Variants in ZNF626 observed in about 807,000 individuals in gnomAD.
ZNF626 encodes the protein CTC-513N18.7.
Under a neutral mutation model 11.7 loss-of-function variants are expected in ZNF626, and 4 were observed. The ratio of observed to expected loss-of-function variants is 0.34; its 90% CI spans 0.17 to 0.78. The LOEUF is 0.78. Among genes scored for constraint, ZNF626 ranks in the 30% least tolerant of loss-of-function variants. The pLI is 0.57. For synonymous variants in ZNF626, 179 were observed against 198.6 expected (o/e 0.90, Z 0.83); for missense variants, 588 against 587.1 (o/e 1.00, Z -0.01).
intron 1 of ZNF626, among the ~76,000 whole-genome samples, chr19:20,656,460 G>C (rs1470607243): frequency 6.6e-6 from 1 of 152,062 alleles, no homozygotes; most frequent in African/African-American, 2.4e-5. Flanking sequence ...AAACTAAAGA[G>C]CTTCTTCACA....
Position 20,658,152 on chromosome 19 carries a change from G to A in ZNF626, c.3+3292C>T, listed in dbSNP as rs539737783. On this transcript the variant is annotated intron_variant, in intron 1 of 3. Transcript: ENST00000601440. ...CCTGCGTGGGAGAGAGTGCAATGTAGGTGAATGGACTGATTTTCATTACAG... is the reference window on the plus strand; with the variant it reads ...CCTGCGTGGGAGAGAGTGCAATGTAAGTGAATGGACTGATTTTCATTACAG... Among the ~76,000 whole-genome samples, 5 of 152,278 alleles carry A rather than the reference G, an allele frequency of 3.3e-5. No individual in the cohort carries two copies. The East Asian group carries it at 7.7e-4, about 23-fold the overall frequency.
At chr19:20,647,773 A>G (rs545911293) in intron 1 of ZNF626, among the ~76,000 whole-genome samples, 24 of 152,220 alleles carry the variant, frequency 1.6e-4, no homozygotes, top group Admixed American at 1.6e-3. Flanking sequence ...GGTGTGAGCC[A>G]CTGCGCCCGG....
intron 3 of ZNF626, among the ~76,000 whole-genome samples, chr19:20,641,431 T>C (rs1555771440): frequency 2.6e-5 from 4 of 152,152 alleles, no homozygotes; most frequent in Middle Eastern, 3.4e-3. Context: ...GTAGTCAAAA[T>C]CATAAAAATA....
chr19:20,647,490 T>G (rs1353270003), intron 1 of ZNF626, among the ~76,000 whole-genome samples: 2 of 119,792 alleles, frequency 1.7e-5, no homozygotes, highest in African/African-American at 1.3e-4. Flanking sequence ...AATGGTTTTT[T>G]TTTTTTTTTT....
At chr19:20,636,088 C>T (rs1200561914) in intron 3 of ZNF626, among the ~76,000 whole-genome samples, 1 of 152,062 alleles carries the variant, frequency 6.6e-6, no homozygotes, top group Admixed American at 6.5e-5. Flanking sequence ...GCTGAGATCC[C>T]ACCATTGTAC....
intron 3 of ZNF626, among the ~76,000 whole-genome samples, chr19:20,631,999 CT>C (rs538104786): frequency 0.023 from 3,474 of 152,172 alleles, 140 homozygotes; most frequent in African/African-American, 0.079. Flanking sequence ...GACAAAATCT[CT>C]CAGCATTTGC....
chr19:20,639,085 G>A (rs1482112534), intron 3 of ZNF626, among the ~76,000 whole-genome samples: 1 of 152,124 alleles, frequency 6.6e-6, no homozygotes, highest in Non-Finnish European at 1.5e-5. Flanking sequence ...AAGAGTAACT[G>A]GATGTATTAT....
chr19:20,656,641 T>C (rs762393649), intron 1 of ZNF626, among the ~76,000 whole-genome samples: 4 of 150,480 alleles, frequency 2.7e-5, no homozygotes, highest in Non-Finnish European at 4.4e-5. Context: ...CACGAACAGA[T>C]GCTTGTCAAA....
At chr19:20,643,474 A>G (rs1178670840) in intron 3 of ZNF626, among the ~76,000 whole-genome samples, 3 of 152,182 alleles carry the variant, frequency 2.0e-5, no homozygotes, top group Admixed American at 6.5e-5. Context: ...TTTCATAAAT[A>G]TGGAGTGCTT....
intron 3 of ZNF626, among the ~76,000 whole-genome samples, chr19:20,636,029 G>A (rs1158085252): frequency 6.6e-6 from 1 of 152,144 alleles, no homozygotes; most frequent in Non-Finnish European, 1.5e-5. Context: ...CTACTCAGGA[G>A]GCTGAGGTAG....
intron 3 of ZNF626, among the ~76,000 whole-genome samples, chr19:20,637,215 G>A (rs1038146517): frequency 2.6e-5 from 4 of 152,162 alleles, no homozygotes; most frequent in East Asian, 1.9e-4. Flanking sequence ...TCGGCTGGGC[G>A]CAGTGGCTCA....
At chr19:20,656,664 T>C (rs1157863584) in intron 1 of ZNF626, among the ~76,000 whole-genome samples, 2 of 144,602 alleles carry the variant, frequency 1.4e-5, no homozygotes, top group Non-Finnish European at 3.0e-5. Context: ...AAGACATACA[T>C]GTGGCTAACA....
intron 1 of ZNF626, among the ~76,000 whole-genome samples, chr19:20,660,166 A>G (rs1474087362): frequency 6.8e-6 from 1 of 146,780 alleles, no homozygotes; most frequent in Non-Finnish European, 1.5e-5. Flanking sequence ...GGGCTGAGGT[A>G]GGAGAATCGC....
At chr19:20,661,158 C>T (rs1425246497) in intron 1 of ZNF626, among the ~76,000 whole-genome samples, 1 of 152,244 alleles carries the variant, frequency 6.6e-6, no homozygotes, top group Non-Finnish European at 1.5e-5. Context: ...TCCCCTGGTC[C>T]CTGCACAATC....
intron 1 of ZNF626, among the ~76,000 whole-genome samples, chr19:20,647,688 G>A (rs1555772082): frequency 2.6e-5 from 4 of 151,836 alleles, no homozygotes; most frequent in South Asian, 4.2e-4. Context: ...GGGTTTCACC[G>A]TGTTAGCCGG....
intron 3 of ZNF626, among the ~76,000 whole-genome samples, chr19:20,640,294 ATAAC>A (rs1229124353): frequency 2.0e-5 from 3 of 148,994 alleles, no homozygotes; most frequent in African/African-American, 4.9e-5. Flanking sequence ...GTTTAATAAA[ATAAC>A]TAACAAATCT....
chr19:20,625,405 GA>G lies in ZNF626; in HGVS notation c.471del (p.Pro158GlnfsTer19), dbSNP rs781856539. ...CDKYVKVLHQ[F>X]PNSNGQKRGH... ...CCTCTCTTTTGTCCGTTTGAATTTGGAAATTGATGAAGGACTTTCACATATT... is the reference window on the plus strand; with the variant it reads ...CCTCTCTTTTGTCCGTTTGAATTTGGAATTGATGAAGGACTTTCACATATT... On this transcript the variant is annotated frameshift_variant, in exon 4 of 4. Transcript: ENST00000601440. LOFTEE classifies it low-confidence loss of function (END_TRUNC). 6.2e-7 allele frequency: 1 copy of G among 1,614,058 alleles called. No individual in the cohort carries two copies.
intron 3 of ZNF626, among the ~76,000 whole-genome samples, chr19:20,628,088 G>A (rs1969861288): frequency 6.6e-6 from 1 of 152,046 alleles, no homozygotes; most frequent in South Asian, 2.1e-4. Context: ...TTTCATCCAT[G>A]TCCCTACAAA....
chr19:20,633,170 C>A (rs4809080), intron 3 of ZNF626, among the ~76,000 whole-genome samples: 1 of 152,004 alleles, frequency 6.6e-6, no homozygotes, highest in Non-Finnish European at 1.5e-5. Flanking sequence ...GAGTACCCGG[C>A]CGTGTCAGGT....
Sources: gnomAD v4.1 joint callset for allele counts (sites outside exome capture counted in the v4.1 genomes callset) on GRCh38, gnomAD v4.1.1 for gene constraint, MANE v1.5 for transcripts, NCBI Gene and HGNC (gene_info 2026-07-23, HGNC 2026-07-21) for gene names.